Variants in PDZRN3 observed in about 807,000 individuals in gnomAD.
The protein encoded by PDZRN3 is E3 ubiquitin-protein ligase PDZRN3.
Under a neutral mutation model 85.7 loss-of-function variants are expected in PDZRN3, and 38 were observed. The observed-to-expected ratio is 0.44, with a 90% confidence interval of 0.34 to 0.58. The LOEUF (loss-of-function observed/expected upper bound fraction) is 0.58, where lower values mean the gene tolerates loss of function less well. Ranked by LOEUF, PDZRN3 falls within the 20% of genes least tolerant of loss-of-function variation. The pLI is 0.01. For synonymous variants in PDZRN3, 759 were observed against 638.0 expected, an observed-to-expected ratio of 1.19 and a Z score of -2.86; for missense variants, 1,629 against 1,506.4, an observed-to-expected ratio of 1.08 and a Z score of -1.35.
intron 3 of PDZRN3, among the ~76,000 whole-genome samples, chr3:73,422,990 G>A (rs912103577): frequency 6.6e-6 from 1 of 152,182 alleles, no homozygotes; most frequent in African/African-American, 2.4e-5. Flanking sequence ...TATCAATGGA[G>A]GCAGTTAGCT....
chr3:73,579,954 G>A (rs949362115), intron 3 of PDZRN3, among the ~76,000 whole-genome samples: 5 of 152,066 alleles, frequency 3.3e-5, no homozygotes, highest in African/African-American at 4.8e-5. Context: ...AATGATTCCC[G>A]ATGAACTTAA....
At chr3:73,498,602 T>G (rs1207065352) in intron 3 of PDZRN3, among the ~76,000 whole-genome samples, 1 of 151,930 alleles carries the variant, frequency 6.6e-6, no homozygotes, top group Non-Finnish European at 1.5e-5. Flanking sequence ...TTTTTTTTTT[T>G]GAGATGGAGT....
chr3:73,524,860 CAGG>C (rs1704484251), intron 3 of PDZRN3, among the ~76,000 whole-genome samples: 1 of 151,684 alleles, frequency 6.6e-6, no homozygotes, highest in Non-Finnish European at 1.5e-5. Flanking sequence ...CACAGAAGGG[CAGG>C]AGATCTATGA....
chr3:73,437,213 T>A (rs1702548292), intron 3 of PDZRN3, among the ~76,000 whole-genome samples: 1 of 152,132 alleles, frequency 6.6e-6, no homozygotes, highest in South Asian at 2.1e-4. Context: ...TAAATAACAT[T>A]TTTATGAAAT....
intron 3 of PDZRN3, among the ~76,000 whole-genome samples, chr3:73,545,967 A>G (rs1701414551): frequency 6.6e-6 from 1 of 151,924 alleles, no homozygotes; most frequent in Admixed American, 6.6e-5. Context: ...CGGCTCTGCC[A>G]CTCCCTTTTA....
At chr3:73,501,365 T>C (rs1344619384) in intron 3 of PDZRN3, among the ~76,000 whole-genome samples, 2 of 152,154 alleles carry the variant, frequency 1.3e-5, no homozygotes, top group Admixed American at 1.3e-4. Flanking sequence ...TTTTAACATG[T>C]TCCTGGAGTT....
At chr3:73,391,175 G>T in intron 5 of PDZRN3, 59 bp from the exon 6 acceptor site, 1 of 992,566 alleles carries the variant, frequency 1.0e-6, no homozygotes, top group South Asian at 1.3e-5. Flanking sequence ...TTGAGGGGAT[G>T]TCAAATGCTT....
intron 3 of PDZRN3, among the ~76,000 whole-genome samples, chr3:73,435,270 C>A (rs1559678237): frequency 6.6e-6 from 1 of 152,022 alleles, no homozygotes; most frequent in Non-Finnish European, 1.5e-5. Context: ...CAGCTAACAG[C>A]CCTGACTTGC....
intron 3 of PDZRN3, among the ~76,000 whole-genome samples, chr3:73,568,641 C>T (rs1262501291): frequency 2.6e-5 from 4 of 152,208 alleles, no homozygotes; most frequent in African/African-American, 4.8e-5. Context: ...CCGGGCAACT[C>T]GCTTGATATG....
rs1259952976 is a variant in PDZRN3, at chr3:73,624,577, C to T, written c.249G>A (p.Ala83=). ...RLILKLDIKC[A]YATRGCGRVV... is the part of the protein sequence containing the mutation. ...CCCGGCCGCAGCCGCGCGTCGCGTA[C>T]GCGCACTTGATGTCCAGCTTGAGGA... is the stretch of plus-strand genomic sequence containing the variant. The change falls in exon 1 of 10, where the codon GCG becomes GCA. Residue 83 remains alanine (A), a synonymous_variant. Coordinates refer to ENST00000263666, the MANE Select transcript of PDZRN3 (RefSeq NM_015009.3). 19 of 1,545,710 alleles carry T rather than the reference C, an allele frequency of 1.2e-5. No individual in the cohort carries two copies. In the South Asian group the frequency reaches 2.2e-4, roughly 18 times the overall value.
At chr3:73,534,246 G>C (rs1704726478) in intron 3 of PDZRN3, among the ~76,000 whole-genome samples, 1 of 152,138 alleles carries the variant, frequency 6.6e-6, no homozygotes, top group South Asian at 2.1e-4. Flanking sequence ...CCGAATACCT[G>C]CAACAATGCC....
At chr3:73,559,416 C>A (rs191627563) in intron 3 of PDZRN3, among the ~76,000 whole-genome samples, 30 of 134,300 alleles carry the variant, frequency 2.2e-4, no homozygotes, top group Admixed American at 1.4e-3. Context: ...GAGGTCTAAT[C>A]TACAAAATAT....
intron 3 of PDZRN3, among the ~76,000 whole-genome samples, chr3:73,521,774 T>C (rs915695025): frequency 6.6e-6 from 1 of 152,342 alleles, no homozygotes; most frequent in Admixed American, 6.5e-5. Context: ...TTTGTCTCTG[T>C]ATCTTTCCTG....
Position 73,624,303 on chromosome 3 carries a change from C to T in PDZRN3, c.523G>A (p.Ala175Thr). The change falls in exon 1 of 10, where the codon GCC (alanine) becomes ACC (threonine). Residue 175 changes from alanine to threonine, a missense_variant. Ala to Thr is a moderately conservative substitution (Grantham distance 58). Coordinates refer to ENST00000263666, the MANE Select transcript of PDZRN3 (RefSeq NM_015009.3). ...GCCTTGTGCAGCGCGCCCAGGCGGG[C>T]CTGGAGCGCGCCGTTGTGCGCCCGC... ...ALRAHNGALQ[A>T]RLGALHKALK... 7.5e-7 allele frequency: 1 copy of T among 1,334,224 alleles called. No homozygotes were observed. The highest frequency in any genetic ancestry group is 9.5e-7 in the Non-Finnish European group (1 of 1,050,364). The allele number at this position is 1,334,224 out of a possible 1,614,324, so 82.6% of individuals were successfully genotyped here.
intron 3 of PDZRN3, among the ~76,000 whole-genome samples, chr3:73,495,119 C>T (rs550104009): frequency 3.9e-5 from 6 of 152,246 alleles, no homozygotes; most frequent in African/African-American, 7.2e-5. Context: ...CTCAGCATCA[C>T]GCAATATGCC....
At chr3:73,457,998 T>C (rs1703022039) in intron 3 of PDZRN3, among the ~76,000 whole-genome samples, 1 of 152,186 alleles carries the variant, frequency 6.6e-6, no homozygotes, top group African/African-American at 2.4e-5. Flanking sequence ...AGACATGCAA[T>C]GGCAGAGGCA....
chr3:73,562,203 T>C (rs1701832939), intron 3 of PDZRN3, among the ~76,000 whole-genome samples: 1 of 152,120 alleles, frequency 6.6e-6, no homozygotes, highest in South Asian at 2.1e-4. Flanking sequence ...CAGTGGGAGC[T>C]AAATAACCCT....
At chr3:73,424,465 C>T (rs532537070) in intron 3 of PDZRN3, among the ~76,000 whole-genome samples, 56 of 146,908 alleles carry the variant, frequency 3.8e-4, no homozygotes, top group Non-Finnish European at 7.6e-4. Flanking sequence ...GGCGTGAACC[C>T]GGGAGGCCAG....
chr3:73,437,285 G>T (rs1411390351), intron 3 of PDZRN3, among the ~76,000 whole-genome samples: 1 of 152,130 alleles, frequency 6.6e-6, no homozygotes, highest in Non-Finnish European at 1.5e-5. Context: ...TCTTCCAAAA[G>T]CTCTTTAAGG....
Sources: gnomAD v4.1 joint callset for allele counts (sites outside exome capture counted in the v4.1 genomes callset) on GRCh38, gnomAD v4.1.1 for gene constraint, MANE v1.5 for transcripts, NCBI Gene and HGNC (gene_info 2026-07-23, HGNC 2026-07-21) for gene names.